BANP: variants seen among roughly 807,000 people sequenced by gnomAD.
BANP encodes the protein protein BANP.
A neutral mutation model predicts 68.1 loss-of-function variants in BANP; 11 were observed. The observed-to-expected ratio is 0.16, with a 90% CI of 0.10 to 0.27. The LOEUF (loss-of-function observed/expected upper bound fraction) is 0.27. Ranked by LOEUF, BANP falls within the 10% of genes least tolerant of loss-of-function variation. BANP has a pLI of 1.00. For synonymous variants in BANP, 329 were observed against 303.2 expected, an observed-to-expected ratio of 1.09 and a Z score of -0.88; for missense variants, 504 against 722.7, an observed-to-expected ratio of 0.70 and a Z score of 3.47.
At chr16:88,039,000 G>C (rs534138159) in intron 11 of BANP, among the ~76,000 whole-genome samples, 1 of 152,320 alleles carries the variant, frequency 6.6e-6, no homozygotes, top group Admixed American at 6.5e-5. Context: ...GCGGATCTCT[G>C]ACCCGACTGA....
chr16:87,988,210 G>C (rs758334840), intron 4 of BANP, among the ~76,000 whole-genome samples: 2 of 152,202 alleles, frequency 1.3e-5, no homozygotes, highest in Non-Finnish European at 2.9e-5. Flanking sequence ...AGTCTCCAAA[G>C]TTAAAAATTG....
intron 8 of BANP, among the ~76,000 whole-genome samples, chr16:88,030,861 T>C (rs1288674667): frequency 6.6e-6 from 1 of 152,176 alleles, no homozygotes; most frequent in African/African-American, 2.4e-5. Context: ...CAGACTGTCA[T>C]GGTGGCAGTG....
In BANP at chr16:87,975,062, G is replaced by A; in HGVS notation, c.-54G>A. ...CTGTTTGGTAGGTGACCAAAAGCCA[G>A]CCCCACTGTGAGTTGAACTCTTTCG... On this transcript the variant is annotated 5_prime_UTR_variant, in exon 2 of 14. Coordinates refer to ENST00000682872, the MANE Select transcript of BANP (RefSeq NM_001386991.1). 1 of 1,524,324 alleles carries A rather than the reference G, an allele frequency of 6.6e-7. No homozygotes were observed. The highest frequency in any genetic ancestry group is 1.7e-5 in the Admixed American group (1 of 59,408). 94.4% of individuals were successfully genotyped at this position (1,524,324 alleles called of 1,614,324 possible).
chr16:88,042,818 G>C (rs574891961), intron 11 of BANP, among the ~76,000 whole-genome samples: 2 of 152,248 alleles, frequency 1.3e-5, no homozygotes, highest in South Asian at 4.1e-4. Context: ...TCATGAGGCT[G>C]AGGCAGGAGG....
At chr16:88,048,893 C>T (rs1298955646) in intron 11 of BANP, among the ~76,000 whole-genome samples, 3 of 151,900 alleles carry the variant, frequency 2.0e-5, no homozygotes, top group East Asian at 1.9e-4. Context: ...AGGTTGAAGG[C>T]GCTGAAGTCA....
At chr16:88,009,497 A>G (rs1023477344) in intron 6 of BANP, among the ~76,000 whole-genome samples, 1 of 152,228 alleles carries the variant, frequency 6.6e-6, no homozygotes, top group Admixed American at 6.5e-5. Context: ...AGTTTATTGT[A>G]CTGCAAAGAT....
In BANP at chr16:88,004,085, C is replaced by G. The variant is rs2070232738; in HGVS notation, c.363-210C>G. On this transcript the variant is annotated intron_variant, in intron 4 of 13. Coordinates refer to ENST00000682872, the MANE Select transcript of BANP (RefSeq NM_001386991.1). This position sits in a 1 kb window ranked among gnomAD's most constrained non-coding sequence, Gnocchi z 7.0. ...AGGAAAAGTTACGTTCTGCTAAAAA[C>G]CCCATCTCCAGTTTATTCTTCCTTA... Among the ~76,000 whole-genome samples the G allele has an allele frequency of 6.6e-6, 1 of 152,208 alleles. No homozygotes were observed. Among genetic ancestry groups the G allele is most frequent in the Non-Finnish European group, 1.5e-5 (1 of 68,036 alleles).
intron 12 of BANP, among the ~76,000 whole-genome samples, chr16:88,070,159 C>T (rs557785146): frequency 2.0e-5 from 3 of 152,330 alleles, no homozygotes; most frequent in East Asian, 1.9e-4. Flanking sequence ...ACACAAAATA[C>T]CTGCTCATTG....
intron 13 of BANP, among the ~76,000 whole-genome samples, chr16:88,075,271 G>C (rs1005314047): frequency 1.3e-5 from 2 of 152,288 alleles, no homozygotes; most frequent in East Asian, 1.9e-4. Context: ...GCTTGAACCC[G>C]GGAGGCGGAG....
chr16:88,068,549 T>C (rs1478892498), intron 12 of BANP, among the ~76,000 whole-genome samples: 1 of 152,142 alleles, frequency 6.6e-6, no homozygotes, highest in Non-Finnish European at 1.5e-5. Flanking sequence ...AGTGTGCCTG[T>C]GCTGTGATGA....
chr16:88,016,468 C>T (rs1323763057), intron 6 of BANP, among the ~76,000 whole-genome samples: 5 of 152,214 alleles, frequency 3.3e-5, no homozygotes, highest in Admixed American at 6.5e-5. Context: ...CCTTCCCCTC[C>T]CCATGGCTTC....
chr16:87,971,184 A>G (rs11645705), intron 1 of BANP, among the ~76,000 whole-genome samples: 53,080 of 152,020 alleles, frequency 0.35, 10,539 homozygotes, highest in Non-Finnish European at 0.47. Flanking sequence ...AAGTTGTTAC[A>G]TTTGTTTTTT....
At chr16:87,962,101 G>T (rs186454161) in intron 1 of BANP, among the ~76,000 whole-genome samples, 22 of 152,072 alleles carry the variant, frequency 1.4e-4, no homozygotes, top group Non-Finnish European at 2.5e-4. Context: ...TTAGCCTGGT[G>T]CAGTGGCGTG....
At chr16:88,050,992 G>A (rs1224796776) in intron 11 of BANP, among the ~76,000 whole-genome samples, 2 of 152,208 alleles carry the variant, frequency 1.3e-5, no homozygotes, top group African/African-American at 4.8e-5. Context: ...CAGCCTGCTT[G>A]TTTCTCATCT....
chr16:88,058,307 G>C (rs771558360), intron 11 of BANP, among the ~76,000 whole-genome samples: 2 of 152,180 alleles, frequency 1.3e-5, no homozygotes, highest in African/African-American at 4.8e-5. Flanking sequence ...TGGGTTTCAC[G>C]CAGGTGGGCC....
At chr16:87,980,054 A>T (rs906816829) in intron 2 of BANP, among the ~76,000 whole-genome samples, 2 of 152,250 alleles carry the variant, frequency 1.3e-5, no homozygotes, top group Non-Finnish European at 2.9e-5. Context: ...CGCACCTCCC[A>T]CATGTATGCC....
intron 11 of BANP, among the ~76,000 whole-genome samples, chr16:88,047,306 C>G (rs1015377756): frequency 6.6e-6 from 1 of 152,144 alleles, no homozygotes; most frequent in Non-Finnish European, 1.5e-5. Context: ...AATGCTTGCC[C>G]CAGTTCCTTG....
At chr16:87,971,051 G>A (rs2061024153) in intron 1 of BANP, among the ~76,000 whole-genome samples, 1 of 151,146 alleles carries the variant, frequency 6.6e-6, no homozygotes, top group African/African-American at 2.4e-5. Flanking sequence ...ACTTCTTACC[G>A]CCACTGAATG....
At chr16:88,055,185 A>G (rs892095855) in intron 11 of BANP, among the ~76,000 whole-genome samples, 1 of 151,610 alleles carries the variant, frequency 6.6e-6, no homozygotes, top group Non-Finnish European at 1.5e-5. Flanking sequence ...AAGCTTATAT[A>G]TGTTTATAGG....
Sources: allele counts gnomAD v4.1 joint callset (sites outside exome capture counted in the v4.1 genomes callset), GRCh38; gene constraint gnomAD v4.1.1; non-coding constraint Gnocchi (gnomAD v3.1); transcripts MANE v1.5; gene names NCBI Gene and HGNC (gene_info 2026-07-23, HGNC 2026-07-21).